Variants in NFKB1 observed in about 807,000 individuals in gnomAD.
NFKB1 encodes the protein nuclear factor kappa B subunit 1, also known as nuclear factor NF-kappa-B p105 subunit.
Under a neutral mutation model 105.1 loss-of-function variants are expected in NFKB1, and 9 were observed. The observed-to-expected ratio is 0.09, with a 90% confidence interval of 0.05 to 0.15. The LOEUF (loss-of-function observed/expected upper bound fraction) is 0.15. NFKB1 is among the 10% of genes least tolerant of loss of function. The pLI is 1.00. For synonymous variants in NFKB1, 440 were observed against 442.2 expected, an observed-to-expected ratio of 1.00 and a Z score of 0.06; for missense variants, 830 against 1,203.7, an observed-to-expected ratio of 0.69 and a Z score of 4.59.
chr4:102,530,980 T>G (rs1319275497), intron 3 of NFKB1, among the ~76,000 whole-genome samples: 11 of 152,176 alleles, frequency 7.2e-5, no homozygotes. Flanking sequence ...GAGCTCTAGG[T>G]CAGCTTCCTG....
Position 102,612,617 on chromosome 4 carries a change from A to T in NFKB1, c.2592+11A>T. 1 of 1,609,916 alleles carries T rather than the reference A, an allele frequency of 6.2e-7. No homozygotes were observed. The highest frequency in any genetic ancestry group is 8.5e-7 in the Non-Finnish European group (1 of 1,177,786). On this transcript the variant is annotated intron_variant, in intron 22 of 23. Coordinates refer to ENST00000226574, the MANE Select transcript of NFKB1 (RefSeq NM_003998.4). ...ATGGACAACTATGAGGTAACACCTT[A>T]CCTTACAGATTTAGCAATTTTCATT... is the stretch of plus-strand genomic sequence containing the variant.
At chr4:102,524,545 TG>T (rs1325343062) in intron 1 of NFKB1, among the ~76,000 whole-genome samples, 7 of 152,200 alleles carry the variant, frequency 4.6e-5, no homozygotes, top group African/African-American at 1.4e-4. Flanking sequence ...GGTGATTTTG[TG>T]ATGATTCAAG....
intron 3 of NFKB1, among the ~76,000 whole-genome samples, chr4:102,533,250 C>T (rs1464064108): frequency 3.3e-5 from 5 of 151,944 alleles, no homozygotes; most frequent in African/African-American, 4.8e-5. Flanking sequence ...ACAAACTAAC[C>T]AGTTAAGGAA....
intron 15 of NFKB1, among the ~76,000 whole-genome samples, chr4:102,598,337 T>C (rs1371771198): frequency 1.3e-5 from 2 of 152,182 alleles, no homozygotes; most frequent in South Asian, 2.1e-4. Context: ...CTCAAAAGCC[T>C]ATAAAAATAA....
chr4:102,526,524 C>T (rs1459439584), intron 2 of NFKB1, among the ~76,000 whole-genome samples: 3 of 152,112 alleles, frequency 2.0e-5, no homozygotes, highest in Non-Finnish European at 4.4e-5. Flanking sequence ...TTATTTAAAA[C>T]TCATCTAGTA....
intron 13 of NFKB1, among the ~76,000 whole-genome samples, chr4:102,595,574 G>A (rs140689305): frequency 1.7e-3 from 264 of 152,322 alleles, no homozygotes; most frequent in African/African-American, 5.9e-3. Context: ...CACACAAAAG[G>A]CATCAAAGTT....
intron 1 of NFKB1, among the ~76,000 whole-genome samples, chr4:102,519,417 T>C (rs941350054): frequency 2.0e-5 from 3 of 149,222 alleles, no homozygotes; most frequent in African/African-American, 7.3e-5. Context: ...ACTTTTATCA[T>C]ACCATCAGTG....
At chr4:102,589,232 G>A (rs187764137) in intron 11 of NFKB1, among the ~76,000 whole-genome samples, 19 of 152,244 alleles carry the variant, frequency 1.2e-4, no homozygotes, top group African/African-American at 4.6e-4. Context: ...CTCTTTGCTG[G>A]AATCCATGTC....
rs1390525131 is a variant in NFKB1, at chr4:102,593,604, T to C, written c.1210+36T>C. 4.4e-6 allele frequency: 7 copies of C among 1,588,238 alleles called. No homozygotes were observed. In the South Asian group the frequency reaches 6.9e-5, roughly 16 times the overall value. ...ACTTATTCTTCCTAAAACTTTTTCA[T>C]ATTGGAGAGGGTAGAATTTTCTTTT... On this transcript the variant is annotated intron_variant, in intron 12 of 23. Transcript: ENST00000226574.
At chr4:102,615,303 A>G (rs1222771389) in intron 23 of NFKB1, among the ~76,000 whole-genome samples, 1 of 152,140 alleles carries the variant, frequency 6.6e-6, no homozygotes, top group Non-Finnish European at 1.5e-5. Context: ...CTTCCTCCAC[A>G]CTGCGCCTCC....
In NFKB1 at chr4:102,597,618, G is replaced by A. The variant is rs139575566; in HGVS notation, c.1594G>A (p.Val532Ile). ...AGGAGACGTGAAGATGCTGCTGGCC[G>A]TCCAGCGCCATCTCACTGCTGTGCA... ...VTGDVKMLLA[V>I]QRHLTAVQDE... The change falls in exon 15 of 24, where the codon GTC becomes ATC. Residue 532 changes from valine to isoleucine, a missense_variant. Physicochemically the swap from Val to Ile is conservative, Grantham distance 29. This residue lies in a region of NFKB1 where 418 missense variants were observed against 575.3 expected (regional missense o/e 0.73). Coordinates refer to ENST00000226574, the MANE Select transcript of NFKB1 (RefSeq NM_003998.4). 5.9e-5 allele frequency: 95 copies of A among 1,613,736 alleles called. No homozygotes were observed. The highest frequency in any genetic ancestry group is 1.3e-4 in the East Asian group (6 of 44,886).
chr4:102,594,851 A>T (rs751103292), intron 12 of NFKB1, 41 bp from the exon 13 acceptor site: 1 of 1,440,986 alleles, frequency 6.9e-7, no homozygotes, highest in Non-Finnish European at 9.7e-7. Flanking sequence ...TCTTTGTAAA[A>T]TATCTTCATG....
At chr4:102,506,690 C>G (rs749094014) in intron 1 of NFKB1, among the ~76,000 whole-genome samples, 1 of 152,048 alleles carries the variant, frequency 6.6e-6, no homozygotes, top group African/African-American at 2.4e-5. Context: ...ACTCCCTGTC[C>G]TAGTGTCATT....
At chr4:102,579,813 C>T (rs1186150212) in intron 8 of NFKB1, among the ~76,000 whole-genome samples, 2 of 151,870 alleles carry the variant, frequency 1.3e-5, no homozygotes, top group African/African-American at 2.4e-5. Context: ...TACTCAGACT[C>T]ATTGAAAGTT....
At chr4:102,569,942 T>TA (rs1230925725) in intron 6 of NFKB1, among the ~76,000 whole-genome samples, 1 of 152,170 alleles carries the variant, frequency 6.6e-6, no homozygotes, top group Non-Finnish European at 1.5e-5. Flanking sequence ...CCTTTCTTGG[T>TA]AAAAAATAAT....
At chr4:102,546,480 T>C (rs971903920) in intron 5 of NFKB1, among the ~76,000 whole-genome samples, 3 of 152,068 alleles carry the variant, frequency 2.0e-5, no homozygotes, top group Non-Finnish European at 4.4e-5. Flanking sequence ...CCCACTACAA[T>C]ACACTTAGTA....
rs4647999 is a variant in NFKB1 at position 102,537,008 on chromosome 4, T to C, written c.160-850T>C. On this transcript the variant is annotated intron_variant, in intron 4 of 23. Transcript: ENST00000226574. ...CCTTGTTTTATTCTTTGTATACAAA[T>C]ATGAATAAGTTAACTTTATAAATCA... Among the ~76,000 whole-genome samples, 645 of 152,286 alleles carry C rather than the reference T, an allele frequency of 4.2e-3. 1 individual carries two copies. The highest frequency in any genetic ancestry group is 7.2e-3 in the Non-Finnish European group (487 of 68,018).
intron 14 of NFKB1, among the ~76,000 whole-genome samples, 171 bp from the exon 15 acceptor site, chr4:102,597,349 A>G (rs146674153): frequency 2.4e-4 from 36 of 152,364 alleles, no homozygotes; most frequent in Non-Finnish European, 4.4e-4. Context: ...CCAGTGTCCA[A>G]TTCTGCTTTT....
chr4:102,565,551 G>A (rs190231904), intron 5 of NFKB1, among the ~76,000 whole-genome samples: 35 of 152,230 alleles, frequency 2.3e-4, no homozygotes, highest in African/African-American at 8.2e-4. Context: ...GTAGAAGTAG[G>A]CTAGTCGAAA....
Sources: allele counts gnomAD v4.1 joint callset (sites outside exome capture counted in the v4.1 genomes callset), GRCh38; gene constraint gnomAD v4.1.1; regional missense constraint gnomAD v4.1.1; transcripts MANE v1.5; gene names NCBI Gene and HGNC (gene_info 2026-07-23, HGNC 2026-07-21).